CSGALNACT1: variants seen among roughly 807,000 people sequenced by gnomAD.
The protein encoded by CSGALNACT1 is beta4GalNAcT-1.
In CSGALNACT1, 52 loss-of-function variants were observed where a neutral mutation model predicts 51.0. That is an observed-to-expected ratio of 1.02 (90% CI 0.82 to 1.29). The LOEUF is 1.29. CSGALNACT1 is among the 50% of genes most tolerant of loss of function. The probability of loss-of-function intolerance (pLI) is 0.00; values close to 1 mark genes in which losing one functional copy is unlikely to be tolerated. For synonymous variants in CSGALNACT1, 341 were observed against 254.4 expected (o/e 1.34, Z -3.24); for missense variants, 935 against 679.2 (o/e 1.38, Z -4.19).
chr8:19,440,745 G>C (rs1190052387), intron 5 of CSGALNACT1, among the ~76,000 whole-genome samples: 2 of 151,740 alleles, frequency 1.3e-5, no homozygotes, highest in Admixed American at 1.3e-4. Context: ...AGGAAATAAA[G>C]GGCATTCAAT....
At chr8:19,583,466 C>T (rs2046004414) in intron 3 of CSGALNACT1, among the ~76,000 whole-genome samples, 1 of 152,096 alleles carries the variant, frequency 6.6e-6, no homozygotes, top group African/African-American at 2.4e-5. Flanking sequence ...GGATCTGATG[C>T]AAAATTATGG....
At chr8:19,669,319 T>A (rs945098926) in intron 1 of CSGALNACT1, among the ~76,000 whole-genome samples, 1 of 152,236 alleles carries the variant, frequency 6.6e-6, no homozygotes, top group African/African-American at 2.4e-5. Flanking sequence ...TTTATTAATA[T>A]GTACCCTTGC....
In CSGALNACT1 at chr8:19,720,853, C is replaced by T. The variant is rs529992090; in HGVS notation, c.-297+36997G>A. 9.2e-5 allele frequency among the ~76,000 whole-genome samples: 14 copies of T among 152,304 alleles called. No individual in the cohort carries two copies. In the East Asian group the frequency reaches 2.7e-3, roughly 29 times the overall value. ...TGTTTTAAAACATCACAACGAAGCC[C>T]CTGATGAAGAATCTGAGCCAGATAC... On this transcript the variant is annotated intron_variant, in intron 1 of 1. Coordinates refer to the CSGALNACT1 transcript ENST00000517494.
At chr8:19,590,666 T>TTTTTG (rs1388637072) in intron 3 of CSGALNACT1, among the ~76,000 whole-genome samples, 1 of 106,354 alleles carries the variant, frequency 9.4e-6, no homozygotes, top group African/African-American at 3.1e-5. Context: ...TTTTTTTTTT[T>TTTTTG]GGAGATGGAG....
chr8:19,533,983 C>A (rs752999344), intron 3 of CSGALNACT1, among the ~76,000 whole-genome samples: 3 of 152,090 alleles, frequency 2.0e-5, no homozygotes, highest in African/African-American at 4.8e-5. Context: ...ACCTTCCCCC[C>A]ATGCCAAATC....
intron 3 of CSGALNACT1, among the ~76,000 whole-genome samples, chr8:19,569,013 G>T (rs887615004): frequency 6.6e-6 from 1 of 152,174 alleles, no homozygotes; most frequent in African/African-American, 2.4e-5. Context: ...AATGAACCAT[G>T]ATGCAATTTT....
intron 1 of CSGALNACT1, among the ~76,000 whole-genome samples, chr8:19,610,950 A>G (rs1229867449): frequency 6.6e-6 from 1 of 152,228 alleles, no homozygotes; most frequent in African/African-American, 2.4e-5. Context: ...GTCCACCCCG[A>G]GACGTGGGGC....
intron 4 of CSGALNACT1, among the ~76,000 whole-genome samples, chr8:19,470,515 C>G (rs534841059): frequency 1.3e-5 from 2 of 152,246 alleles, no homozygotes; most frequent in Admixed American, 1.3e-4. Flanking sequence ...CGGTGACTCA[C>G]TGAGCTTGGA....
chr8:19,697,729 T>C (rs936042433), intron 1 of CSGALNACT1, among the ~76,000 whole-genome samples: 1 of 151,894 alleles, frequency 6.6e-6, no homozygotes, highest in Non-Finnish European at 1.5e-5. Flanking sequence ...CTGTGGGACA[T>C]GTGGACTTGA....
At position 19,701,153 on chromosome 8, in the gene CSGALNACT1, G is replaced by GTTTTTTTTTTTTTTTT. The variant is rs767074945; in HGVS notation, c.-297+56681_-297+56696dup. 1.4e-4 allele frequency among the ~76,000 whole-genome samples: 13 copies of GTTTTTTTTTTTTTTTT among 93,280 alleles called. 1 individual carries two copies. The highest frequency in any genetic ancestry group is 2.0e-4 in the Non-Finnish European group (10 of 50,708). The allele number at this position is 93,280 out of a possible 152,430, so 61.2% of individuals were successfully genotyped here. A position where few individuals can be genotyped will look rare whatever the true frequency, so the allele number is the denominator to read the frequency against. On this transcript the variant is annotated intron_variant, in intron 1 of 1. Coordinates refer to the CSGALNACT1 transcript ENST00000517494. ...GAAAATTTCAGTTCATCTATTATCC[G>GTTTTTTTTTTTTTTTT]TTTTTTTTTTTTTTTTTTTTGATAC...
At chr8:19,555,854 G>A (rs544064850) in intron 3 of CSGALNACT1, among the ~76,000 whole-genome samples, 15 of 152,222 alleles carry the variant, frequency 9.9e-5, no homozygotes, top group East Asian at 7.7e-4. Flanking sequence ...ATGCAACTCC[G>A]TGGAAACACC....
chr8:19,629,053 A>C (rs1018982370), intron 1 of CSGALNACT1, among the ~76,000 whole-genome samples: 2 of 152,190 alleles, frequency 1.3e-5, no homozygotes, highest in East Asian at 1.9e-4. Flanking sequence ...AAGGAATATT[A>C]AACAGCTCTT....
chr8:19,553,638 T>TATATATATATATATATATAA (rs1564019770), intron 3 of CSGALNACT1, among the ~76,000 whole-genome samples: 1 of 119,762 alleles, frequency 8.3e-6, no homozygotes, highest in African/African-American at 3.7e-5. Context: ...TATATATATA[T>TATATATATATATATATATAA]AAAAAAATAT....
rs989332591 is a variant in CSGALNACT1, at chr8:19,682,552, G to C, written c.-623C>G. On this transcript the variant is annotated 5_prime_UTR_variant, in exon 1 of 10. Coordinates refer to the CSGALNACT1 transcript ENST00000332246. Reference sequence around the variant, plus strand: ...TGGTCTTTCCCGGTCTTTGCTGTCAGTACTCTACTCCCAGGGTTTCCACCT... The same window carrying C: ...TGGTCTTTCCCGGTCTTTGCTGTCACTACTCTACTCCCAGGGTTTCCACCT... 7 of 443,298 alleles carry C rather than the reference G, an allele frequency of 1.6e-5. No homozygotes were observed. In the East Asian group the frequency reaches 4.2e-4, roughly 27 times the overall value. 27.5% of individuals were successfully genotyped at this position (443,298 alleles called of 1,614,324 possible).
At chr8:19,750,542 G>A (rs531192515) in intron 1 of CSGALNACT1, among the ~76,000 whole-genome samples, 24 of 152,220 alleles carry the variant, frequency 1.6e-4, no homozygotes, top group Admixed American at 3.9e-4. Context: ...TATACCTTTC[G>A]TTTAATTCTT....
intron 3 of CSGALNACT1, among the ~76,000 whole-genome samples, chr8:19,525,949 A>G (rs564762460): frequency 2.6e-4 from 40 of 152,290 alleles, no homozygotes; most frequent in African/African-American, 9.1e-4. Context: ...ACCAGAAACT[A>G]GGTCTAGTGC....
At chr8:19,705,489 T>G (rs1198561480) in intron 1 of CSGALNACT1, among the ~76,000 whole-genome samples, 1 of 152,094 alleles carries the variant, frequency 6.6e-6, no homozygotes, top group Non-Finnish European at 1.5e-5. Context: ...TCCTAACACT[T>G]TGGGAGGCTG....
chr8:19,441,320 A>G (rs970643424), intron 5 of CSGALNACT1, among the ~76,000 whole-genome samples: 1 of 152,204 alleles, frequency 6.6e-6, no homozygotes, highest in African/African-American at 2.4e-5. Flanking sequence ...TTCAAACTAT[A>G]CCACAAGGCT....
chr8:19,475,984 G>A (rs1002621959), intron 4 of CSGALNACT1, among the ~76,000 whole-genome samples: 6 of 152,160 alleles, frequency 3.9e-5, no homozygotes, highest in Admixed American at 6.5e-5. Context: ...CCATGTCCAC[G>A]AGAAGCAATG....
Sources: allele counts gnomAD v4.1 joint callset (sites outside exome capture counted in the v4.1 genomes callset), GRCh38; gene constraint gnomAD v4.1.1; transcripts MANE v1.5; gene names NCBI Gene and HGNC (gene_info 2026-07-23, HGNC 2026-07-21).